The following MAD1L1 variants were observed in gnomAD, a reference collection of about 807,000 sequenced individuals.
MAD1L1 encodes the protein mitotic spindle assembly checkpoint protein MAD1.
Under a neutral mutation model 96.9 loss-of-function variants are expected in MAD1L1, and 95 were observed. The ratio of observed to expected loss-of-function variants is 0.98; its 90% CI spans 0.83 to 1.16. The LOEUF is 1.16. Among genes scored for constraint, MAD1L1 ranks in the 50% most tolerant of loss-of-function variants. The pLI, the probability that MAD1L1 is intolerant of heterozygous loss-of-function variation, is 0.00. For missense variants in MAD1L1, 1,007 were observed against 954.4 expected (o/e 1.06, Z -0.73); for synonymous variants, 473 against 396.6 (o/e 1.19, Z -2.29).
chr7:1,914,028 C>A (rs1013030450), intron 17 of MAD1L1, among the ~76,000 whole-genome samples: 12 of 151,104 alleles, frequency 7.9e-5, no homozygotes, highest in East Asian at 2.0e-4. Flanking sequence ...TCTCCCCCCC[C>A]AGCACGCCTG....
chr7:1,938,737 G>GGC (rs529152263), intron 16 of MAD1L1, among the ~76,000 whole-genome samples: 27 of 104,838 alleles, frequency 2.6e-4, no homozygotes, highest in South Asian at 2.1e-3. Context: ...TGGGGCCAGA[G>GGC]GCGCGCACGC....
intron 10 of MAD1L1, among the ~76,000 whole-genome samples, chr7:2,168,289 GA>G (rs1213304833): frequency 7.7e-6 from 1 of 130,348 alleles, no homozygotes; most frequent in Non-Finnish European, 1.6e-5. Context: ...TCTAAAAAAA[GA>G]AAAAAAAAGA....
chr7:1,901,797 G>C (rs577233487), intron 17 of MAD1L1, among the ~76,000 whole-genome samples: 2 of 152,172 alleles, frequency 1.3e-5, no homozygotes, highest in African/African-American at 4.8e-5. Flanking sequence ...TTCCCTGCCC[G>C]GGGATGTTGA....
chr7:2,164,597 G>T (rs1188638207), intron 10 of MAD1L1, among the ~76,000 whole-genome samples: 2 of 146,400 alleles, frequency 1.4e-5, no homozygotes, highest in African/African-American at 2.6e-5. Flanking sequence ...GAAAAATGGG[G>T]GGGGGGGGGG....
At chr7:2,220,177 C>A (rs1327264156) in intron 5 of MAD1L1, among the ~76,000 whole-genome samples, 1 of 152,228 alleles carries the variant, frequency 6.6e-6, no homozygotes, top group African/African-American at 2.4e-5. Flanking sequence ...AGGGGCAGGG[C>A]GGTACCTGCT....
intron 18 of MAD1L1, 75 bp from the exon 19 acceptor site, chr7:1,816,303 C>A (rs1415051367): frequency 6.9e-7 from 1 of 1,443,184 alleles, no homozygotes; most frequent in African/African-American, 1.4e-5. Context: ...CCTCCCTACA[C>A]AGCCCCTCCA....
intron 18 of MAD1L1, among the ~76,000 whole-genome samples, chr7:1,857,445 G>T (rs960690243): frequency 2.0e-5 from 3 of 152,280 alleles, no homozygotes; most frequent in Admixed American, 1.3e-4. Context: ...TCAGGCCTCT[G>T]CTGTCACATA....
chr7:2,108,167 G>A (rs2128554586), intron 11 of MAD1L1, among the ~76,000 whole-genome samples: 1 of 152,344 alleles, frequency 6.6e-6, no homozygotes, highest in East Asian at 1.9e-4. Flanking sequence ...GGGGGCTGTA[G>A]CAAATGAATT....
At chr7:1,980,397 G>A (rs549124204) in intron 15 of MAD1L1, 56 bp downstream of exon 15, 34 of 1,458,034 alleles carry the variant, frequency 2.3e-5, no homozygotes, top group African/African-American at 1.1e-4. Flanking sequence ...GGGCGTATCC[G>A]CCTCCTCTCT....
intron 18 of MAD1L1, among the ~76,000 whole-genome samples, chr7:1,860,488 A>G (rs960200421): frequency 1.3e-5 from 2 of 152,160 alleles, no homozygotes; most frequent in Admixed American, 6.5e-5. Flanking sequence ...TAGGGGTGAC[A>G]TCCTGCAGGG....
At chr7:1,892,168 G>T (rs765073180) in intron 18 of MAD1L1, among the ~76,000 whole-genome samples, 1 of 152,178 alleles carries the variant, frequency 6.6e-6, no homozygotes, top group Non-Finnish European at 1.5e-5. Context: ...CGCCACGGTG[G>T]TCTACTGCAT....
intron 12 of MAD1L1, among the ~76,000 whole-genome samples, chr7:2,060,035 GCCGATGCCGAGATACA>G (rs1342986053): frequency 5.3e-5 from 8 of 152,108 alleles, no homozygotes; most frequent in Admixed American, 1.3e-4. Flanking sequence ...CACAAGATAC[GCCGATGCCGAGATACA>G]CCGATGCCGA....
intron 9 of MAD1L1, among the ~76,000 whole-genome samples, chr7:2,214,766 A>G (rs1793171555): frequency 6.6e-6 from 1 of 152,204 alleles, no homozygotes; most frequent in Admixed American, 6.5e-5. Flanking sequence ...TGACTGCAGG[A>G]TGTTTTCCAG....
In MAD1L1 at chr7:2,146,380, G is replaced by A. The variant is rs528944031; in HGVS notation, c.1073+2772C>T. On this transcript the variant is annotated intron_variant, in intron 11 of 18. Coordinates refer to ENST00000265854, the MANE Select transcript of MAD1L1 (RefSeq NM_001013836.2). This position sits in a 1 kb window ranked among gnomAD's most constrained non-coding sequence, Gnocchi z 6.2. ...ACTGGGCTACGAGGAACAGGGCAAC[G>A]CCTCGAAGAGGGAGCACCGGGCACT... Among the ~76,000 whole-genome samples the A allele has an allele frequency of 8.8e-4, 133 of 151,538 alleles. 2 individuals carry two copies. Among genetic ancestry groups the A allele is most frequent in the African/African-American group, 2.9e-3 (118 of 41,220 alleles).
intron 18 of MAD1L1, among the ~76,000 whole-genome samples, chr7:1,856,606 G>A (rs1784266810): frequency 6.6e-6 from 1 of 152,216 alleles, no homozygotes. Flanking sequence ...GCAGAGATAA[G>A]ATTCATTAAT....
rs186608749 is a variant in MAD1L1, at chr7:1,972,379, A to G, written c.1505+8074T>C. ...TGACTTCAATTTTTTTTAAAAAAAT[A>G]GTTTACAAGATTATTCAGATAACCT... On this transcript the variant is annotated intron_variant, in intron 15 of 18. Coordinates refer to ENST00000265854, the MANE Select transcript of MAD1L1 (RefSeq NM_001013836.2). Among the ~76,000 whole-genome samples, 859 of 152,336 alleles carry G rather than the reference A, an allele frequency of 5.6e-3. 3 individuals are homozygous for G. Among genetic ancestry groups the G allele is most frequent in the Non-Finnish European group, 7.5e-3 (513 of 68,026 alleles).
At chr7:2,194,468 T>A (rs1011419136) in intron 10 of MAD1L1, among the ~76,000 whole-genome samples, 12 of 152,064 alleles carry the variant, frequency 7.9e-5, no homozygotes, top group Non-Finnish European at 1.6e-4. Context: ...TCATCCTGGG[T>A]CATCTCAGTT....
chr7:1,856,574 G>A (rs1007305953), intron 18 of MAD1L1, among the ~76,000 whole-genome samples: 3 of 152,256 alleles, frequency 2.0e-5, no homozygotes, highest in Non-Finnish European at 4.4e-5. Flanking sequence ...CCCGCGGCCT[G>A]TATCCGCTGC....
In MAD1L1 at chr7:2,219,492, G is replaced by C. The variant is rs938517339; in HGVS notation, c.472-36C>G. ...AGGGGACCAGAGAGCCGCTCAGTGA[G>C]TGGAGCCCGTGCGTGGAAGGAGCCT... is the stretch of plus-strand genomic sequence containing the variant. On this transcript the variant is annotated intron_variant, in intron 5 of 18. Coordinates refer to ENST00000265854, the MANE Select transcript of MAD1L1 (RefSeq NM_001013836.2). The C allele has an allele frequency of 8.1e-6, 13 of 1,603,942 alleles. No individual in the cohort carries two copies. In the East Asian group the frequency reaches 2.2e-4, roughly 28 times the overall value.
Sources: allele counts gnomAD v4.1 joint callset (sites outside exome capture counted in the v4.1 genomes callset), GRCh38; gene constraint gnomAD v4.1.1; non-coding constraint Gnocchi (gnomAD v3.1); transcripts MANE v1.5; gene names NCBI Gene and HGNC (gene_info 2026-07-23, HGNC 2026-07-21).